LOC128706665: variants seen among roughly 807,000 people sequenced by gnomAD.
the LOC128706665 span, among the ~76,000 whole-genome samples, chr20:10,428,650 C>T: frequency 1.3e-5 from 2 of 152,214 alleles, no homozygotes; most frequent in African/African-American, 4.8e-5. Context: ...ACCAGTTTGG[C>T]CAAGATGGTG....
the LOC128706665 span, among the ~76,000 whole-genome samples, chr20:10,420,368 T>C: frequency 1.3e-5 from 2 of 152,152 alleles, no homozygotes; most frequent in African/African-American, 4.8e-5. Context: ...AACGAACTTT[T>C]CTAGAAACAA....
chr20:10,426,279 G>A, the LOC128706665 span, among the ~76,000 whole-genome samples: 1 of 152,220 alleles, frequency 6.6e-6, no homozygotes, highest in Non-Finnish European at 1.5e-5. Context: ...TAGTGCCCCA[G>A]CTTGGGCAGT....
the LOC128706665 span, among the ~76,000 whole-genome samples, chr20:10,425,740 T>C: frequency 1.3e-5 from 2 of 152,320 alleles, no homozygotes; most frequent in South Asian, 2.1e-4. Context: ...TAAAATAAGT[T>C]AGTGTTTGAT....
chr20:10,427,062 AC>A, the LOC128706665 span, among the ~76,000 whole-genome samples: 2 of 151,620 alleles, frequency 1.3e-5, no homozygotes, highest in Non-Finnish European at 3.0e-5. Context: ...ACACACACAC[AC>A]ACACACACAC....
the LOC128706665 span, among the ~76,000 whole-genome samples, chr20:10,421,787 T>C: frequency 6.6e-5 from 10 of 151,422 alleles, no homozygotes; most frequent in African/African-American, 2.2e-4. Flanking sequence ...AATATATATA[T>C]ATATATTTTA....
chr20:10,416,551 C>T, the LOC128706665 span, among the ~76,000 whole-genome samples: 1 of 151,422 alleles, frequency 6.6e-6, no homozygotes, highest in African/African-American at 2.4e-5. Flanking sequence ...CATACTAACA[C>T]CAAAAACAAA....
the LOC128706665 span, among the ~76,000 whole-genome samples, chr20:10,416,083 C>T: frequency 6.6e-6 from 1 of 152,182 alleles, no homozygotes; most frequent in Non-Finnish European, 1.5e-5. Context: ...CAAGGTGCTC[C>T]ATAATTCCAA....
the LOC128706665 span, among the ~76,000 whole-genome samples, chr20:10,419,602 AG>A: frequency 6.6e-6 from 1 of 152,176 alleles, no homozygotes; most frequent in Non-Finnish European, 1.5e-5. Context: ...CCTATGATAA[AG>A]TTCAATTTAT....
the LOC128706665 span, among the ~76,000 whole-genome samples, chr20:10,426,084 C>T: frequency 2.6e-5 from 4 of 152,164 alleles, no homozygotes; most frequent in Non-Finnish European, 4.4e-5. Context: ...TTAAATTATT[C>T]AAAAGTTTCA....
the LOC128706665 span, among the ~76,000 whole-genome samples, chr20:10,421,766 T>C: frequency 6.6e-6 from 1 of 151,672 alleles, no homozygotes; most frequent in African/African-American, 2.4e-5. Context: ...ACAAAGTTAG[T>C]TAGCTTTTAA....
the LOC128706665 span, among the ~76,000 whole-genome samples, chr20:10,423,246 C>A: frequency 6.6e-6 from 1 of 152,050 alleles, no homozygotes; most frequent in Non-Finnish European, 1.5e-5. Context: ...GTGGCAAAAC[C>A]CGTTTCTACA....
At chr20:10,431,527 AAAACCAAACCAAACC>A in the LOC128706665 span, among the ~76,000 whole-genome samples, 110 of 150,842 alleles carry the variant, frequency 7.3e-4, no homozygotes, top group Middle Eastern at 3.4e-3. Flanking sequence ...ATAGGGTCAA[AAAACCAAACCAAACC>A]AAACCAAACC....
chr20:10,426,387 G>A, the LOC128706665 span, among the ~76,000 whole-genome samples: 91 of 152,006 alleles, frequency 6.0e-4, no homozygotes, highest in African/African-American at 2.0e-3. Context: ...AACTAGCTTG[G>A]GGCATCATGC....
chr20:10,428,078 AT>A, the LOC128706665 span, among the ~76,000 whole-genome samples: 12 of 152,264 alleles, frequency 7.9e-5, no homozygotes, highest in African/African-American at 2.9e-4. Context: ...TAAGTCTTAT[AT>A]GGGGGTTTCA....
At chr20:10,428,567 G>A in the LOC128706665 span, among the ~76,000 whole-genome samples, 30 of 152,268 alleles carry the variant, frequency 2.0e-4, no homozygotes, top group East Asian at 1.7e-3. Flanking sequence ...AGCTGGGCGC[G>A]GTGGCTCACG....
the LOC128706665 span, among the ~76,000 whole-genome samples, chr20:10,429,490 C>T: frequency 6.6e-6 from 1 of 152,162 alleles, no homozygotes; most frequent in Non-Finnish European, 1.5e-5. Flanking sequence ...TACTGTACAC[C>T]TTTGAACTAA....
the LOC128706665 span, among the ~76,000 whole-genome samples, chr20:10,416,155 TTTG>T: frequency 9.2e-5 from 14 of 151,962 alleles, no homozygotes; most frequent in Non-Finnish European, 1.9e-4. Context: ...CAGATGGGTT[TTTG>T]TTGTTGTTGC....
At chr20:10,419,076 G>T in the LOC128706665 span, among the ~76,000 whole-genome samples, 1 of 151,938 alleles carries the variant, frequency 6.6e-6, no homozygotes, top group Non-Finnish European at 1.5e-5. Flanking sequence ...AAATATTGTT[G>T]AAACCAGTAA....
the LOC128706665 span, among the ~76,000 whole-genome samples, chr20:10,426,246 A>G: frequency 6.6e-6 from 1 of 152,318 alleles, no homozygotes; most frequent in African/African-American, 2.4e-5. Context: ...GTACTCTACT[A>G]AGCAATTCTT....
Sources: allele counts gnomAD v4.1 joint callset (sites outside exome capture counted in the v4.1 genomes callset), GRCh38; gene constraint gnomAD v4.1.1; transcripts MANE v1.5.